Variants in SAXO5 observed in about 807,000 individuals in gnomAD.
SAXO5 encodes the protein testis expressed 45.
chr19:7,500,850 T>C, the SAXO5 span: 1 of 1,534,526 alleles, frequency 6.5e-7, no homozygotes, highest in Non-Finnish European at 8.7e-7. Flanking sequence ...CCTGCCGTGC[T>C]CGCGCCCGTG....
the SAXO5 span, chr19:7,500,668 C>T: frequency 1.5e-6 from 1 of 654,842 alleles, no homozygotes; most frequent in South Asian, 2.6e-5. Context: ...ACCAGTTTCC[C>T]GTGATGTCCC....
At chr19:7,508,381 A>G in the SAXO5 span, 14 of 1,613,298 alleles carry the variant, frequency 8.7e-6, no homozygotes, top group Non-Finnish European at 1.2e-5. Context: ...GAGAAGATAG[A>G]CCCTCTGGTC....
chr19:7,506,226 A>ATGG, the SAXO5 span: 1 of 1,220,908 alleles, frequency 8.2e-7, no homozygotes, highest in African/African-American at 2.5e-5. Flanking sequence ...CCACCCCCGA[A>ATGG]AGCCCCGCCC....
At chr19:7,508,144 G>A in the SAXO5 span, 2 of 1,409,686 alleles carry the variant, frequency 1.4e-6, no homozygotes, top group East Asian at 2.3e-5. Context: ...ATCCTGGGGT[G>A]GACAGGGTGG....
the SAXO5 span, chr19:7,506,182 A>AGCCCCGCCCCATGGG: frequency 1.3e-6 from 2 of 1,514,262 alleles, no homozygotes; most frequent in Non-Finnish European, 8.8e-7. Context: ...GCTCCCGGGA[A>AGCCCCGCCCCATGGG]GCCCCGCCCC....
the SAXO5 span, chr19:7,506,072 A>G: frequency 5.1e-4 from 830 of 1,613,892 alleles, 7 homozygotes; most frequent in African/African-American, 0.01. Flanking sequence ...CAAGACCACC[A>G]TGGGCTCGGA....
At chr19:7,506,819 C>CCCCAGCGCCTACCTCTTT in the SAXO5 span, 1 of 450,356 alleles carries the variant, frequency 2.2e-6, no homozygotes, top group African/African-American at 2.0e-5. Flanking sequence ...CCTCCCTCTT[C>CCCCAGCGCCTACCTCTTT]CCCAGCGCCT....
the SAXO5 span, among the ~76,000 whole-genome samples, chr19:7,504,848 A>G: frequency 6.6e-6 from 1 of 152,254 alleles, no homozygotes; most frequent in East Asian, 1.9e-4. Flanking sequence ...CTGGTAGCCA[A>G]GGTGCACTAT....
At chr19:7,506,183 G>A in the SAXO5 span, 1 of 1,570,342 alleles carries the variant, frequency 6.4e-7, no homozygotes. Flanking sequence ...CTCCCGGGAA[G>A]CCCCGCCCCA....
At chr19:7,501,008 G>T in the SAXO5 span, 11 of 1,528,570 alleles carry the variant, frequency 7.2e-6, no homozygotes, top group African/African-American at 1.3e-4. Context: ...TGCAGCCGCC[G>T]CCCGCGCTGC....
chr19:7,506,694 A>C, the SAXO5 span: 1 of 343,836 alleles, frequency 2.9e-6, no homozygotes, highest in South Asian at 2.5e-5. Context: ...CCTCTTCCCA[A>C]GCTCCTCCCC....
At chr19:7,506,352 TC>T in the SAXO5 span, 6 of 287,800 alleles carry the variant, frequency 2.1e-5, no homozygotes, top group Non-Finnish European at 2.9e-5. Flanking sequence ...AGCCCTCCCC[TC>T]CCCCGGCTTC....
At chr19:7,505,660 A>G in the SAXO5 span, 2 of 1,586,358 alleles carry the variant, frequency 1.3e-6, no homozygotes, top group Admixed American at 1.7e-5. Context: ...GGCAGGGAAA[A>G]GGGCTTCCCA....
the SAXO5 span, among the ~76,000 whole-genome samples, chr19:7,499,183 G>T: frequency 4.0e-5 from 6 of 151,826 alleles, 1 homozygote; most frequent in South Asian, 6.3e-4. Context: ...ATGGTGGCAG[G>T]TACCTGTTAT....
the SAXO5 span, among the ~76,000 whole-genome samples, chr19:7,500,538 G>C: frequency 6.6e-6 from 1 of 152,016 alleles, no homozygotes; most frequent in African/African-American, 2.4e-5. Flanking sequence ...TCGAACTCCT[G>C]ACCTCAGGTG....
At chr19:7,506,998 C>T in the SAXO5 span, 1 of 1,429,650 alleles carries the variant, frequency 7.0e-7, no homozygotes, top group East Asian at 2.3e-5. Flanking sequence ...CTTCACCACA[C>T]CCTCAGCCCC....
At chr19:7,506,216 C>G in the SAXO5 span, 6 of 1,425,986 alleles carry the variant, frequency 4.2e-6, no homozygotes, top group South Asian at 5.8e-5. Context: ...CCGGGAAGCC[C>G]CACCCCCGAA....
chr19:7,501,987 C>T, the SAXO5 span, among the ~76,000 whole-genome samples: 6 of 151,694 alleles, frequency 4.0e-5, no homozygotes, highest in African/African-American at 1.5e-4. Context: ...CGCCTGTAAT[C>T]CCAGTGCTTT....
chr19:7,499,536 G>C, the SAXO5 span: 2 of 152,494 alleles, frequency 1.3e-5, no homozygotes, highest in African/African-American at 4.8e-5. Context: ...CTGAGGGTGA[G>C]AAGACGCGGT....
Sources: allele counts gnomAD v4.1 joint callset (sites outside exome capture counted in the v4.1 genomes callset), GRCh38; gene constraint gnomAD v4.1.1; transcripts MANE v1.5; gene names NCBI Gene and HGNC (gene_info 2026-07-23, HGNC 2026-07-21).